The following ZNF143 variants were observed in gnomAD, a reference collection of about 807,000 sequenced individuals.
The protein encoded by ZNF143 is zinc finger protein 143.
A neutral mutation model predicts 74.1 loss-of-function variants in ZNF143; 49 were observed. The observed-to-expected ratio is 0.66, with a 90% confidence interval of 0.53 to 0.84. The LOEUF (loss-of-function observed/expected upper bound fraction) is 0.84, where lower values mean the gene tolerates loss of function less well. Among genes scored for constraint, ZNF143 ranks in the 40% least tolerant of loss-of-function variants. The pLI is 0.00. For missense variants in ZNF143, 637 were observed against 793.4 expected, an observed-to-expected ratio of 0.80 and a Z score of 2.37; for synonymous variants, 304 against 282.8, an observed-to-expected ratio of 1.07 and a Z score of -0.75.
chr11:9,494,394 C>T (rs966873661), intron 7 of ZNF143, among the ~76,000 whole-genome samples: 1 of 152,178 alleles, frequency 6.6e-6, no homozygotes, highest in African/African-American at 2.4e-5. Context: ...CAGCCTTGAC[C>T]TCCCCGGGCT....
At chr11:9,461,420 C>T (rs903086026) in intron 1 of ZNF143, among the ~76,000 whole-genome samples, 2 of 152,182 alleles carry the variant, frequency 1.3e-5, no homozygotes, top group South Asian at 2.1e-4. Context: ...GGAGCCTTGG[C>T]CGCGTTTCTC....
At chr11:9,475,954 G>GTA (rs1554962089) in intron 5 of ZNF143, among the ~76,000 whole-genome samples, 1 of 150,460 alleles carries the variant, frequency 6.6e-6, no homozygotes, top group African/African-American at 2.4e-5. Flanking sequence ...GTGTGTGTGT[G>GTA]TATAAAATTT....
Position 9,512,581 on chromosome 11 carries a change from G to A in ZNF143, c.1509G>A (p.Gln503=), listed in dbSNP as rs747875286. 6.2e-7 allele frequency: 1 copy of A among 1,614,162 alleles called. No homozygotes were observed. Among genetic ancestry groups the A allele is most frequent in the Non-Finnish European group, 8.5e-7 (1 of 1,180,032 alleles). ...GLSQQVTLIS[Q]DGTQHVNISQ... Reference sequence around the variant, plus strand: ...GTCAACAAGTTACACTCATATCCCAGGATGGGACTCAGCATGTAAGTATCC... The same window carrying A: ...GTCAACAAGTTACACTCATATCCCAAGATGGGACTCAGCATGTAAGTATCC... Residue 503 remains glutamine, a synonymous_variant, in exon 13 of 16, where the codon CAG becomes CAA. Coordinates refer to ENST00000396602, the MANE Select transcript of ZNF143 (RefSeq NM_003442.6).
chr11:9,467,618 C>T (rs1212098294), intron 1 of ZNF143, among the ~76,000 whole-genome samples: 2 of 151,730 alleles, frequency 1.3e-5, no homozygotes, highest in African/African-American at 4.8e-5. Flanking sequence ...GAAGCTGAGG[C>T]GGGTGGATCA....
chr11:9,494,004 A>C (rs1847873945), intron 7 of ZNF143, among the ~76,000 whole-genome samples: 1 of 152,194 alleles, frequency 6.6e-6, no homozygotes, highest in South Asian at 2.1e-4. Flanking sequence ...GTTCTAAAAA[A>C]AGGCAGGTAG....
rs1005432624 is a variant in ZNF143 at position 9,474,631 on chromosome 11, A to G, written c.371A>G (p.Lys124Arg). The change falls in exon 5 of 16, where the codon AAA (lysine) becomes AGA (arginine). Residue 124 changes from lysine to arginine, a missense_variant and splice_region_variant. Lys to Arg is a conservative substitution (Grantham distance 26, BLOSUM62 2). This residue lies in a region of ZNF143 where 293 missense variants were observed against 307.8 expected (regional missense o/e 0.95). Transcript: ENST00000396602. ...GTTAFIHHTS[K>R]DSYDQSALQA... is the part of the protein sequence containing the mutation. ...ACAGCATTTATTCACCACACCTCCA[A>G]AGGTAAAATAACTTTGAAAGTATGA... 6.2e-7 allele frequency: 1 copy of G among 1,613,840 alleles called. No homozygotes were observed.
At chr11:9,526,579 G>A (rs891711376) in intron 15 of ZNF143, among the ~76,000 whole-genome samples, 7 of 141,540 alleles carry the variant, frequency 4.9e-5, no homozygotes, top group Non-Finnish European at 1.1e-4. Context: ...TCTCTTGCAT[G>A]TATGAATTTT....
At chr11:9,469,318 A>C (rs1374414538) in intron 1 of ZNF143, among the ~76,000 whole-genome samples, 1 of 123,592 alleles carries the variant, frequency 8.1e-6, no homozygotes, top group African/African-American at 3.2e-5. Flanking sequence ...TGCAACCTCC[A>C]CCTCCCGGGT....
chr11:9,474,053 A>G, intron 4 of ZNF143, 29 bp downstream of exon 4: 2 of 1,551,302 alleles, frequency 1.3e-6, no homozygotes, highest in Non-Finnish European at 1.8e-6. Flanking sequence ...AGCACGGGAA[A>G]CCATTTTAAT....
At chr11:9,500,836 A>G (rs1478713723) in intron 10 of ZNF143, among the ~76,000 whole-genome samples, 1 of 151,938 alleles carries the variant, frequency 6.6e-6, no homozygotes, top group South Asian at 2.1e-4. Context: ...TTTTTTGCCT[A>G]CCTGGATGAT....
At chr11:9,490,130 G>A (rs898271219) in intron 7 of ZNF143, among the ~76,000 whole-genome samples, 3 of 152,102 alleles carry the variant, frequency 2.0e-5, no homozygotes, top group Non-Finnish European at 1.5e-5. Flanking sequence ...GGTGCAGTGA[G>A]CTGTGATTGT....
chr11:9,484,406 T>A (rs1316118693), intron 7 of ZNF143, among the ~76,000 whole-genome samples: 2 of 150,782 alleles, frequency 1.3e-5, no homozygotes, highest in Non-Finnish European at 2.9e-5. Context: ...ATGTTTTTTA[T>A]ATTTCACCTT....
At chr11:9,482,110 A>G (rs1358198438) in intron 7 of ZNF143, among the ~76,000 whole-genome samples, 2 of 143,216 alleles carry the variant, frequency 1.4e-5, no homozygotes, top group African/African-American at 5.2e-5. Flanking sequence ...AGCTGGGACT[A>G]CAGGCGCCCG....
At chr11:9,486,445 T>TAA (rs374989379) in intron 7 of ZNF143, among the ~76,000 whole-genome samples, 15 of 35,450 alleles carry the variant, frequency 4.2e-4, no homozygotes, top group African/African-American at 1.1e-3. Flanking sequence ...ATATAATATA[T>TAA]TATATATATT....
chr11:9,507,457 C>T lies in ZNF143; in HGVS notation c.1148-1162C>T, dbSNP rs542392642. Among the ~76,000 whole-genome samples, 3 of 152,234 alleles carry T rather than the reference C, an allele frequency of 2.0e-5. No homozygotes were observed. In the Middle Eastern group the frequency reaches 0.01, roughly 518 times the overall value. Reference sequence around the variant, plus strand: ...TTCCATCTAAAATAGTTTCAGAATCCCTTCACCCATACCACTACAGTAAAC... The same window carrying T: ...TTCCATCTAAAATAGTTTCAGAATCTCTTCACCCATACCACTACAGTAAAC... On this transcript the variant is annotated intron_variant, in intron 11 of 15. Transcript: ENST00000396602.
intron 1 of ZNF143, among the ~76,000 whole-genome samples, chr11:9,466,361 T>G (rs2133825099): frequency 6.6e-6 from 1 of 151,718 alleles, no homozygotes; most frequent in South Asian, 2.1e-4. Flanking sequence ...AATGATGTGA[T>G]CTCGGCTCAC....
intron 6 of ZNF143, among the ~76,000 whole-genome samples, chr11:9,479,115 A>G (rs1222785640): frequency 2.6e-5 from 4 of 152,076 alleles, no homozygotes; most frequent in South Asian, 2.1e-4. Context: ...TATCTCTCAT[A>G]TAACTTAAAA....
At chr11:9,521,152 A>G (rs1848911382) in intron 14 of ZNF143, among the ~76,000 whole-genome samples, 1 of 152,168 alleles carries the variant, frequency 6.6e-6, no homozygotes, top group Non-Finnish European at 1.5e-5. Flanking sequence ...ACACATCACA[A>G]TCACCCAGAG....
In ZNF143 at chr11:9,494,631, A is replaced by C. The variant is rs566057979; in HGVS notation, c.646-15A>C. The C allele has an allele frequency of 1.2e-6, 2 of 1,611,338 alleles. No individual in the cohort carries two copies. ...TGGCTTAAGTAATTTAAGTAATACT[A>C]TTTGTTTTATTTAGATTGTTTTACA... On this transcript the variant is annotated splice_polypyrimidine_tract_variant and intron_variant, in intron 7 of 15. Coordinates refer to ENST00000396602, the MANE Select transcript of ZNF143 (RefSeq NM_003442.6).
Sources: gnomAD v4.1 joint callset for allele counts (sites outside exome capture counted in the v4.1 genomes callset) on GRCh38, gnomAD v4.1.1 for gene constraint, gnomAD v4.1.1 regional missense constraint, MANE v1.5 for transcripts, NCBI Gene and HGNC (gene_info 2026-07-23, HGNC 2026-07-21) for gene names.